RTP2: variants seen among roughly 807,000 people sequenced by gnomAD.
The protein encoded by RTP2 is receptor-transporting protein 2.
In RTP2, 12 loss-of-function variants were observed where a neutral mutation model predicts 17.9. The ratio of observed to expected loss-of-function variants is 0.67; its 90% confidence interval spans 0.43 to 1.09. RTP2 has a LOEUF of 1.09. Ranked by LOEUF, RTP2 falls within the 50% of genes least tolerant of loss-of-function variation. The pLI is 0.00. For synonymous variants in RTP2, 126 were observed against 117.7 expected, an observed-to-expected ratio of 1.07 and a Z score of -0.46; for missense variants, 327 against 295.7, an observed-to-expected ratio of 1.11 and a Z score of -0.78.
At chr3:187,710,970 G>T in the RTP2 span, among the ~76,000 whole-genome samples, 1 of 152,158 alleles carries the variant, frequency 6.6e-6, no homozygotes, top group African/African-American at 2.4e-5. Context: ...TTTCAAAGGT[G>T]CTGACCTCTG....
chr3:187,702,005 G>A (rs1717862537), exon 1 of RTP2: 1 of 1,611,210 alleles, frequency 6.2e-7, no homozygotes, highest in Non-Finnish European at 8.5e-7. Flanking sequence ...TTCCAGCCAG[G>A]GGCCAGCTCA....
chr3:187,714,942 A>G, the RTP2 span, among the ~76,000 whole-genome samples: 1 of 151,506 alleles, frequency 6.6e-6, no homozygotes, highest in East Asian at 1.9e-4. Flanking sequence ...ATATGTATGA[A>G]ACTGTAAGCC....
chr3:187,712,108 A>AAC, the RTP2 span, among the ~76,000 whole-genome samples: 21 of 151,548 alleles, frequency 1.4e-4, no homozygotes, highest in East Asian at 3.9e-4. Context: ...ATTGCATAGA[A>AAC]ACACACACAC....
At chr3:187,701,781 A>G (rs1017844299) in intron 1 of RTP2, among the ~76,000 whole-genome samples, 184 bp downstream of exon 1, 1 of 152,170 alleles carries the variant, frequency 6.6e-6, no homozygotes, top group Non-Finnish European at 1.5e-5. Flanking sequence ...TCACCCAGGG[A>G]GTTAGTGGTA....
chr3:187,703,776 A>G (rs1460906858), upstream of RTP2, among the ~76,000 whole-genome samples: 3 of 152,070 alleles, frequency 2.0e-5, no homozygotes, highest in Non-Finnish European at 4.4e-5. Context: ...GAAATAGTAT[A>G]CCCTTGTTCC....
At chr3:187,702,672 C>A, upstream of RTP2, 1 of 434,902 alleles carries the variant, frequency 2.3e-6, no homozygotes, top group Non-Finnish European at 4.6e-6. Context: ...GACCTGTGTG[C>A]TGGCCAAAGC....
the RTP2 span, among the ~76,000 whole-genome samples, chr3:187,710,667 T>C: frequency 1.1e-4 from 17 of 151,736 alleles, no homozygotes; most frequent in Non-Finnish European, 2.9e-5. Flanking sequence ...ACCCCACATA[T>C]AGTACTTATC....
chr3:187,708,440 G>A, the RTP2 span, among the ~76,000 whole-genome samples: 1 of 152,332 alleles, frequency 6.6e-6, no homozygotes, highest in East Asian at 1.9e-4. Context: ...GTCTGAGTGG[G>A]TGAAGAAACT....
chr3:187,705,650 G>GT (rs1717974048), upstream of RTP2, among the ~76,000 whole-genome samples: 1 of 152,156 alleles, frequency 6.6e-6, no homozygotes, highest in Non-Finnish European at 1.5e-5. Flanking sequence ...TTTACCTTGA[G>GT]TATCTATCTT....
chr3:187,712,645 T>C, the RTP2 span, among the ~76,000 whole-genome samples: 1 of 152,172 alleles, frequency 6.6e-6, no homozygotes, highest in East Asian at 1.9e-4. Context: ...AAGAAAACTC[T>C]AAGTCCTGAG....
chr3:187,713,573 T>C, the RTP2 span, among the ~76,000 whole-genome samples: 8 of 152,314 alleles, frequency 5.3e-5, no homozygotes, highest in East Asian at 1.5e-3. Flanking sequence ...TCCCATTGAT[T>C]ACTTGGTTCA....
the RTP2 span, among the ~76,000 whole-genome samples, chr3:187,709,430 A>C: frequency 6.6e-6 from 1 of 152,188 alleles, no homozygotes; most frequent in East Asian, 1.9e-4. Flanking sequence ...GCATGCCTGT[A>C]ATCCCAGCAC....
At chr3:187,699,231 G>T (rs1487160622) in intron 1 of RTP2, among the ~76,000 whole-genome samples, 2 of 152,118 alleles carry the variant, frequency 1.3e-5, no homozygotes, top group Non-Finnish European at 2.9e-5. Context: ...GCCAGTGCCG[G>T]AGCCATCTGG....
At chr3:187,715,623 G>A in the RTP2 span, 1 of 456,312 alleles carries the variant, frequency 2.2e-6, no homozygotes, top group Non-Finnish European at 4.4e-6. Context: ...TTATGATAGA[G>A]TTGGATTCGA....
exon 1 of RTP2, chr3:187,702,142 G>A (rs751317586): frequency 6.3e-7 from 1 of 1,589,060 alleles, no homozygotes; most frequent in South Asian, 1.1e-5. Flanking sequence ...CCTGCTGGCA[G>A]AGGTGGCAGT....
chr3:187,704,256 T>G (rs998326115), upstream of RTP2, among the ~76,000 whole-genome samples: 3 of 152,252 alleles, frequency 2.0e-5, no homozygotes, highest in African/African-American at 7.2e-5. Flanking sequence ...CAATTTGGAA[T>G]GCAAGTTAAT....
intron 1 of RTP2, among the ~76,000 whole-genome samples, chr3:187,699,784 TATA>T (rs1717799351): frequency 2.1e-4 from 4 of 18,796 alleles, no homozygotes; most frequent in Non-Finnish European, 4.3e-4. Context: ...CACACACACA[TATA>T]TTTTCTCTCT....
At chr3:187,715,033 T>TCAGGTTA in the RTP2 span, among the ~76,000 whole-genome samples, 10 of 151,958 alleles carry the variant, frequency 6.6e-5, no homozygotes, top group East Asian at 5.8e-4. Flanking sequence ...GCAGGGCAAT[T>TCAGGTTA]CAGGTTACAG....
the RTP2 span, among the ~76,000 whole-genome samples, chr3:187,709,253 G>A: frequency 6.6e-6 from 1 of 152,278 alleles, no homozygotes; most frequent in East Asian, 1.9e-4. Context: ...CATCTTCCAA[G>A]TTTGGTGCAC....
Sources: gnomAD v4.1 joint callset for allele counts (sites outside exome capture counted in the v4.1 genomes callset) on GRCh38, gnomAD v4.1.1 for gene constraint, MANE v1.5 for transcripts, NCBI Gene and HGNC (gene_info 2026-07-23, HGNC 2026-07-21) for gene names.